TRIM37: variants seen among roughly 807,000 people sequenced by gnomAD.
TRIM37 encodes the protein tripartite motif containing 37, also known as E3 ubiquitin-protein ligase TRIM37.
TRIM37 carries 80 observed loss-of-function variants against 129.8 expected under a neutral mutation model. The observed-to-expected ratio is 0.62, with a 90% CI of 0.51 to 0.74. The LOEUF (loss-of-function observed/expected upper bound fraction) is 0.74, where lower values mean the gene tolerates loss of function less well. Ranked by LOEUF, TRIM37 falls within the 30% of genes least tolerant of loss-of-function variation. The probability of loss-of-function intolerance (pLI) is 0.00; values close to 1 mark genes in which losing one functional copy is unlikely to be tolerated. For synonymous variants in TRIM37, 389 were observed against 387.1 expected (o/e 1.00, Z -0.06); for missense variants, 1,054 against 1,176.5 (o/e 0.90, Z 1.52).
chr17:59,079,727 AC>A, intron 7 of TRIM37, 26 bp downstream of exon 7: 4 of 1,613,452 alleles, frequency 2.5e-6, no homozygotes, highest in Non-Finnish European at 3.4e-6. Flanking sequence ...AGCACCAGGT[AC>A]CCCAGCAGCA....
At chr17:58,979,780 G>T (rs947411308), downstream of TRIM37, among the ~76,000 whole-genome samples, 2 of 152,112 alleles carry the variant, frequency 1.3e-5, no homozygotes, top group Non-Finnish European at 2.9e-5. Flanking sequence ...TATTTAACTG[G>T]GAGTAAGGAG....
intron 17 of TRIM37, among the ~76,000 whole-genome samples, chr17:59,035,403 A>C (rs2038350718): frequency 6.6e-6 from 1 of 152,012 alleles, no homozygotes; most frequent in African/African-American, 2.4e-5. Context: ...TATCCAATTT[A>C]TTTCTTTATT....
At chr17:59,058,748 C>T (rs1231274180) in intron 12 of TRIM37, among the ~76,000 whole-genome samples, 1 of 152,024 alleles carries the variant, frequency 6.6e-6, no homozygotes, top group Non-Finnish European at 1.5e-5. Flanking sequence ...CCTGTAGTCC[C>T]AGCTACTTGG....
intron 23 of TRIM37, 52 bp from the exon 24 acceptor site, chr17:58,999,511 G>A: frequency 6.9e-7 from 1 of 1,442,390 alleles, no homozygotes; most frequent in Non-Finnish European, 9.5e-7. Flanking sequence ...ATATAACAAG[G>A]GCAGTATTTT....
chr17:59,106,714 T>C lies in TRIM37; in HGVS notation c.-253A>G. ...GCGAACGGTGGCCGCAGCTCCTTTC[T>C]CCCGGCTCAGCCGCCGGCCAGCAGC... is the stretch of plus-strand genomic sequence containing the variant. On this transcript the variant is annotated 5_prime_UTR_variant, in exon 1 of 24. Transcript: ENST00000262294. The C allele has an allele frequency of 1.7e-6, 1 of 579,026 alleles. No individual in the cohort carries two copies. The highest frequency in any genetic ancestry group is 3.1e-6 in the Non-Finnish European group (1 of 326,138). The allele number at this position is 579,026 out of a possible 1,614,324, so 35.9% of individuals were successfully genotyped here. A position where few individuals can be genotyped will look rare whatever the true frequency, so the allele number is the denominator to read the frequency against.
At chr17:59,012,227 G>GCAGCAGCAACAGCAGCAC in intron 22 of TRIM37, 101 bp downstream of exon 22, 1 of 610,752 alleles carries the variant, frequency 1.6e-6, no homozygotes, top group Non-Finnish European at 2.9e-6. Context: ...AGCAGCAGCA[G>GCAGCAGCAACAGCAGCAC]CACCACCACC....
intron 9 of TRIM37, among the ~76,000 whole-genome samples, chr17:59,066,352 T>A (rs1465070546): frequency 6.6e-6 from 1 of 152,228 alleles, no homozygotes; most frequent in Non-Finnish European, 1.5e-5. Flanking sequence ...CAATCCCCAG[T>A]TGCCTGCTAA....
intron 24 of TRIM37, among the ~76,000 whole-genome samples, chr17:58,985,772 CAATT>C (rs1194398744): frequency 1.3e-5 from 2 of 152,118 alleles, no homozygotes; most frequent in Non-Finnish European, 2.9e-5. Context: ...AAGGCCTTTA[CAATT>C]AATTTTACAT....
chr17:59,075,316 C>A (rs1028339622), intron 8 of TRIM37, among the ~76,000 whole-genome samples: 5 of 152,022 alleles, frequency 3.3e-5, no homozygotes, highest in Non-Finnish European at 7.4e-5. Flanking sequence ...GTAATCCCAG[C>A]AGCTTGGGAG....
intron 17 of TRIM37, among the ~76,000 whole-genome samples, chr17:59,040,904 GGC>G (rs1221820370): frequency 2.0e-5 from 3 of 151,876 alleles, no homozygotes; most frequent in African/African-American, 7.3e-5. Context: ...AAATTAGCCG[GGC>G]GCGGTGGCGG....
intron 12 of TRIM37, among the ~76,000 whole-genome samples, chr17:59,060,444 A>T (rs556765065): frequency 6.1e-5 from 9 of 148,492 alleles, no homozygotes; most frequent in Admixed American, 2.0e-4. Context: ...TAACAGAGTT[A>T]AAAAAAAAAA....
downstream of TRIM37, among the ~76,000 whole-genome samples, chr17:58,979,693 G>A (rs191013650): frequency 1.1e-4 from 17 of 152,266 alleles, no homozygotes; most frequent in African/African-American, 4.1e-4. Context: ...GTTACACTCA[G>A]CTAAGCCTAA....
At chr17:59,055,685 CAAAAAAAA>C (rs934273591) in intron 13 of TRIM37, among the ~76,000 whole-genome samples, 2 of 23,852 alleles carry the variant, frequency 8.4e-5, no homozygotes, top group South Asian at 1.9e-3. Flanking sequence ...GACTCCATCT[CAAAAAAAA>C]AAAAAAAAAA....
At chr17:59,081,836 G>A (rs2043280858) in intron 5 of TRIM37, among the ~76,000 whole-genome samples, 1 of 150,876 alleles carries the variant, frequency 6.6e-6, no homozygotes, top group African/African-American at 2.4e-5. Context: ...GAACCCGGGA[G>A]GCAGAGCTTA....
In TRIM37 at chr17:59,051,238, G is replaced by C. The variant is rs763348340; in HGVS notation, c.1290C>G (p.Ile430Met). ...TQLEAAQTSYIQQINNLKERL... is the reference protein window; with the variant it reads ...TQLEAAQTSYMQQINNLKERL... ...CCTCTTTAAGGTTGTTTATTTGTTG[G>C]ATATAACTAGTCTGTGCAGCTTCCA... Residue 430 changes from isoleucine to methionine, a missense_variant, in exon 14 of 24, where the codon ATC (isoleucine) becomes ATG (methionine). Ile to Met is a conservative substitution (Grantham distance 10). Transcript: ENST00000262294. 3 of 1,612,166 alleles carry C rather than the reference G, an allele frequency of 1.9e-6. No homozygotes were observed. Among genetic ancestry groups the C allele is most frequent in the Non-Finnish European group, 2.5e-6 (3 of 1,178,414 alleles).
In TRIM37 at chr17:59,014,328, C is replaced by T. The variant is rs549474131; in HGVS notation, c.2576+1282G>A. 1.1e-4 allele frequency among the ~76,000 whole-genome samples: 17 copies of T among 152,190 alleles called. No homozygotes were observed. The South Asian group carries it at 3.5e-3, about 32-fold the overall frequency. On this transcript the variant is annotated intron_variant, in intron 21 of 23. Coordinates refer to ENST00000262294, the MANE Select transcript of TRIM37 (RefSeq NM_015294.6). ...CAGGGTCTCCAAAATAGAACTATTT[C>T]ATTGTTTAAATTTAGAAATAGGTTT...
chr17:59,083,888 T>C lies in TRIM37; in HGVS notation c.369+114A>G, dbSNP rs373764011. On this transcript the variant is annotated intron_variant, in intron 5 of 23. Transcript: ENST00000262294. ...TTTAATAAAGCGTATAGAAAGCAGA[T>C]GCATTTTAACTTTCATTCTACGAGA... is the stretch of plus-strand genomic sequence containing the variant. The C allele has an allele frequency of 1.2e-3, 1,025 of 848,594 alleles. 8 individuals carry two copies. The highest frequency in any genetic ancestry group is 0.011 in the South Asian group (820 of 71,640). 52.6% of individuals were successfully genotyped at this position (848,594 alleles called of 1,614,324 possible). A position where few individuals can be genotyped will look rare whatever the true frequency, so the allele number is the denominator to read the frequency against.
At position 59,064,337 on chromosome 17, in the gene TRIM37, A is replaced by C; in HGVS notation, c.860+18T>G. On this transcript the variant is annotated intron_variant, in intron 10 of 23. Coordinates refer to ENST00000262294, the MANE Select transcript of TRIM37 (RefSeq NM_015294.6). ...TATATACACATACAAAAAAACCAGA[A>C]TTGTCAAAAACTCTTACCTGAAATT... 1 of 1,590,108 alleles carries C rather than the reference A, an allele frequency of 6.3e-7. No homozygotes were observed. The highest frequency in any genetic ancestry group is 8.6e-7 in the Non-Finnish European group (1 of 1,164,118).
chr17:59,041,933 T>G (rs1473415555), intron 16 of TRIM37, 35 bp from the exon 17 acceptor site: 1 of 1,503,756 alleles, frequency 6.7e-7, no homozygotes. Context: ...TTATATAGAG[T>G]GATACAATAA....
Sources: allele counts gnomAD v4.1 joint callset (sites outside exome capture counted in the v4.1 genomes callset), GRCh38; gene constraint gnomAD v4.1.1; transcripts MANE v1.5; gene names NCBI Gene and HGNC (gene_info 2026-07-23, HGNC 2026-07-21).